The following LRP1B variants were observed in gnomAD, a reference collection of about 807,000 sequenced individuals.
The protein encoded by LRP1B is LDL receptor related protein 1B.
LRP1B carries 217 observed loss-of-function variants against 556.6 expected under a neutral mutation model. The ratio of observed to expected loss-of-function variants is 0.39; its 90% confidence interval spans 0.35 to 0.44. The LOEUF (loss-of-function observed/expected upper bound fraction) is 0.44, where lower values mean the gene tolerates loss of function less well. Ranked by LOEUF, LRP1B falls within the 20% of genes least tolerant of loss-of-function variation. LRP1B has a pLI of 1.00. For synonymous variants in LRP1B, 2,047 were observed against 1,865.8 expected, an observed-to-expected ratio of 1.10 and a Z score of -2.50; for missense variants, 5,053 against 5,620.8, an observed-to-expected ratio of 0.90 and a Z score of 3.23.
rs79277864 is a variant in LRP1B at position 141,393,864 on chromosome 2, C to T, written c.343+86532G>A. Among the ~76,000 whole-genome samples the T allele has an allele frequency of 8.1e-3, 1,235 of 152,052 alleles. 12 individuals carry two copies. Among genetic ancestry groups the T allele is most frequent in the African/African-American group, 0.026 (1,062 of 41,486 alleles). ...ATACGTGTGTGTTATGTATTTTTGA[C>T]GAATATTTCATAGTCTTGTTTTCAC... On this transcript the variant is annotated intron_variant, in intron 3 of 90. Coordinates refer to ENST00000389484, the MANE Select transcript of LRP1B (RefSeq NM_018557.3).
chr2:140,515,671 A>G (rs191955550), intron 50 of LRP1B, among the ~76,000 whole-genome samples: 20 of 152,198 alleles, frequency 1.3e-4, no homozygotes, highest in Admixed American at 1.1e-3. Flanking sequence ...GAGTTTGGAA[A>G]AAATAAAATT....
chr2:140,462,786 C>CA (rs1275187772), intron 60 of LRP1B, among the ~76,000 whole-genome samples: 2 of 152,106 alleles, frequency 1.3e-5, no homozygotes, highest in African/African-American at 4.8e-5. Context: ...CTTCCCAAAT[C>CA]AAAAAGCATC....
At chr2:141,948,738 G>T (rs1011230500) in intron 1 of LRP1B, among the ~76,000 whole-genome samples, 1 of 151,906 alleles carries the variant, frequency 6.6e-6, no homozygotes, top group Non-Finnish European at 1.5e-5. Flanking sequence ...AAATAAATAT[G>T]GTTGTCAAGT....
At chr2:141,217,110 T>G (rs562096021) in intron 6 of LRP1B, among the ~76,000 whole-genome samples, 1 of 152,232 alleles carries the variant, frequency 6.6e-6, no homozygotes, top group East Asian at 1.9e-4. Context: ...CCCTACCAAA[T>G]CTCATGTTAA....
chr2:140,994,389 A>ATGTGTGTGTGTG (rs3061707), intron 15 of LRP1B, among the ~76,000 whole-genome samples: 2,181 of 147,142 alleles, frequency 0.015, 26 homozygotes, highest in Non-Finnish European at 0.019. Context: ...GTAGGTAAGG[A>ATGTGTGTGTGTG]TGTGTGTGTG....
chr2:140,377,221 G>A (rs781144810), intron 68 of LRP1B, among the ~76,000 whole-genome samples: 1 of 152,074 alleles, frequency 6.6e-6, no homozygotes, highest in Non-Finnish European at 1.5e-5. Context: ...GACTATAGGC[G>A]TGCACCATCA....
At chr2:141,499,021 TCTCTA>T (rs981535866) in intron 2 of LRP1B, among the ~76,000 whole-genome samples, 2 of 152,104 alleles carry the variant, frequency 1.3e-5, no homozygotes, top group African/African-American at 4.8e-5. Flanking sequence ...TGAATTAATG[TCTCTA>T]CTCTGATCTG....
intron 3 of LRP1B, among the ~76,000 whole-genome samples, chr2:141,405,699 G>A (rs982239970): frequency 2.0e-5 from 3 of 151,982 alleles, no homozygotes; most frequent in African/African-American, 4.8e-5. Context: ...ATGGGTATGG[G>A]ACAGAATATA....
intron 21 of LRP1B, among the ~76,000 whole-genome samples, chr2:140,919,337 ATATTGGAT>A (rs1181892960): frequency 3.3e-5 from 5 of 151,900 alleles, no homozygotes; most frequent in Admixed American, 3.3e-4. Context: ...TCCTAAAACA[ATATTGGAT>A]TTTATCAGAT....
At chr2:141,693,931 A>C (rs1159349075) in intron 2 of LRP1B, among the ~76,000 whole-genome samples, 3 of 152,000 alleles carry the variant, frequency 2.0e-5, no homozygotes, top group Non-Finnish European at 4.4e-5. Context: ...AAGCCACATG[A>C]ATTGAGAAGT....
chr2:142,112,049 CA>C (rs1707006547), intron 1 of LRP1B, among the ~76,000 whole-genome samples: 1 of 152,042 alleles, frequency 6.6e-6, no homozygotes, highest in Non-Finnish European at 1.5e-5. Flanking sequence ...AGCATTACAT[CA>C]AGGTGCCTTT....
intron 1 of LRP1B, among the ~76,000 whole-genome samples, chr2:141,905,789 G>GTGTGTGTT (rs1699740010): frequency 2.0e-5 from 3 of 150,950 alleles, no homozygotes; most frequent in Non-Finnish European, 3.0e-5. Context: ...GTGTGTGTGT[G>GTGTGTGTT]TGTGTGTGTG....
chr2:141,184,560 CA>C (rs879906022), intron 7 of LRP1B, among the ~76,000 whole-genome samples: 3 of 150,608 alleles, frequency 2.0e-5, no homozygotes, highest in Non-Finnish European at 3.0e-5. Context: ...CCCTTTTTTT[CA>C]ATCGTGCTTC....
At chr2:141,180,021 T>G (rs1003008754) in intron 7 of LRP1B, among the ~76,000 whole-genome samples, 3 of 151,864 alleles carry the variant, frequency 2.0e-5, no homozygotes, top group Non-Finnish European at 4.4e-5. Context: ...TTTTTAATTT[T>G]TGTTCTTTGT....
At chr2:141,880,813 T>C (rs1698933177) in intron 1 of LRP1B, among the ~76,000 whole-genome samples, 1 of 152,054 alleles carries the variant, frequency 6.6e-6, no homozygotes, top group South Asian at 2.1e-4. Context: ...AGGTAAACAT[T>C]CATGGTGAAT....
chr2:141,824,509 C>T (rs1478072571), intron 1 of LRP1B, among the ~76,000 whole-genome samples: 5 of 152,128 alleles, frequency 3.3e-5, no homozygotes, highest in African/African-American at 4.8e-5. Context: ...GGACTACAGG[C>T]GCCCGCCACC....
intron 86 of LRP1B, among the ~76,000 whole-genome samples, chr2:140,254,957 A>G (rs905693369): frequency 1.3e-5 from 2 of 152,170 alleles, no homozygotes; most frequent in Non-Finnish European, 2.9e-5. Context: ...ATTTACTAGC[A>G]TTTAGCTTTC....
intron 43 of LRP1B, among the ~76,000 whole-genome samples, chr2:140,562,603 C>A (rs1055209067): frequency 6.6e-6 from 1 of 151,718 alleles, no homozygotes; most frequent in Non-Finnish European, 1.5e-5. Flanking sequence ...TTTTAAATTT[C>A]TTTTCTTTTC....
chr2:140,855,493 G>GGAAAAAAAAGAAAAAAAA (rs570169727), intron 27 of LRP1B, among the ~76,000 whole-genome samples: 1 of 99,370 alleles, frequency 1.0e-5, no homozygotes, highest in Non-Finnish European at 2.0e-5. Flanking sequence ...TCTCTACTGG[G>GGAAAAAAAAGAAAAAAAA]AAAAAAAAAA....
Sources: gnomAD v4.1 joint callset for allele counts (sites outside exome capture counted in the v4.1 genomes callset) on GRCh38, gnomAD v4.1.1 for gene constraint, MANE v1.5 for transcripts, NCBI Gene and HGNC (gene_info 2026-07-23, HGNC 2026-07-21) for gene names.